SNX29: variants seen among roughly 807,000 people sequenced by gnomAD.
SNX29 encodes the protein sorting nexin 29, also known as sorting nexin-29.
SNX29 carries 78 observed loss-of-function variants against 102.1 expected under a neutral mutation model. The observed-to-expected ratio is 0.76, with a 90% CI of 0.64 to 0.92. The LOEUF (loss-of-function observed/expected upper bound fraction) is 0.92. Ranked by LOEUF, SNX29 falls within the 40% of genes least tolerant of loss-of-function variation. The pLI, the probability that SNX29 is intolerant of heterozygous loss-of-function variation, is 0.00. For missense variants in SNX29, 1,280 were observed against 1,061.7 expected, an observed-to-expected ratio of 1.21 and a Z score of -2.86; for synonymous variants, 580 against 414.5, an observed-to-expected ratio of 1.40 and a Z score of -4.85.
intron 10 of SNX29, among the ~76,000 whole-genome samples, chr16:12,070,748 G>A (rs1243982371): frequency 2.6e-5 from 4 of 152,026 alleles, no homozygotes; most frequent in African/African-American, 9.7e-5. Context: ...CTGAGGAATC[G>A]CCACACTGAC....
chr16:12,499,801 G>A (rs929234951), intron 19 of SNX29, among the ~76,000 whole-genome samples: 1 of 152,042 alleles, frequency 6.6e-6, no homozygotes, highest in African/African-American at 2.4e-5. Flanking sequence ...TCAACCTCCT[G>A]AGTACCTGGG....
At chr16:12,028,495 C>G (rs2057252785) in intron 4 of SNX29, among the ~76,000 whole-genome samples, 7 of 152,000 alleles carry the variant, frequency 4.6e-5, no homozygotes, top group Admixed American at 4.6e-4. Flanking sequence ...TCTGAAATAG[C>G]TAGGATTGCA....
chr16:11,995,640 T>A (rs1596548451), intron 1 of SNX29, among the ~76,000 whole-genome samples: 16 of 123,804 alleles, frequency 1.3e-4, no homozygotes, highest in East Asian at 2.3e-4. Flanking sequence ...TAGAGCAAAA[T>A]ACTCTTAAAA....
rs889171205 is a variant in SNX29 at position 12,070,447 on chromosome 16, G to T, written c.1319+1315G>T. On this transcript the variant is annotated intron_variant, in intron 10 of 20. Coordinates refer to ENST00000566228, the MANE Select transcript of SNX29 (RefSeq NM_032167.5). Reference sequence around the variant, plus strand: ...GTGGTGTTTGGTTTTTTGTCCTTGCGATAGTTTACCGAGAATGATGATTTC... The same window carrying T: ...GTGGTGTTTGGTTTTTTGTCCTTGCTATAGTTTACCGAGAATGATGATTTC... 2.7e-5 allele frequency among the ~76,000 whole-genome samples: 4 copies of T among 150,766 alleles called. No homozygotes were observed. The East Asian group carries it at 5.9e-4, about 22-fold the overall frequency.
chr16:12,410,213 C>G (rs2084342284), intron 18 of SNX29, among the ~76,000 whole-genome samples: 1 of 152,100 alleles, frequency 6.6e-6, no homozygotes, highest in Admixed American at 6.6e-5. Flanking sequence ...CCAGGGTGGT[C>G]TTGATCTTCT....
intron 20 of SNX29, among the ~76,000 whole-genome samples, chr16:12,563,628 C>G (rs1215903113): frequency 1.3e-5 from 2 of 152,306 alleles, no homozygotes; most frequent in South Asian, 2.1e-4. Flanking sequence ...CGAGACTGTC[C>G]TGGCCCCAGA....
rs537561522 is a variant in SNX29 at position 11,997,030 on chromosome 16, AAC to A, written c.8-2263_8-2262del. Among the ~76,000 whole-genome samples, 20 of 152,260 alleles carry A rather than the reference AAC, an allele frequency of 1.3e-4. No individual in the cohort carries two copies. In the East Asian group the frequency reaches 3.9e-3, roughly 29 times the overall value. ...GCAGGATCCTTGGTATTGTGGTCCTAACACAGGCTTTAGAGGTCTTGAGTCAG... is the reference window on the plus strand; with the variant it reads ...GCAGGATCCTTGGTATTGTGGTCCTAACAGGCTTTAGAGGTCTTGAGTCAG... On this transcript the variant is annotated intron_variant, in intron 1 of 20. Coordinates refer to ENST00000566228, the MANE Select transcript of SNX29 (RefSeq NM_032167.5).
At chr16:12,530,696 C>T (rs933996297) in intron 20 of SNX29, among the ~76,000 whole-genome samples, 3 of 152,082 alleles carry the variant, frequency 2.0e-5, no homozygotes, top group Non-Finnish European at 2.9e-5. Flanking sequence ...GCTGGAATTA[C>T]AAGTGGCCGC....
At chr16:11,995,263 G>T (rs1440550468) in intron 1 of SNX29, among the ~76,000 whole-genome samples, 1 of 152,056 alleles carries the variant, frequency 6.6e-6, no homozygotes, top group Non-Finnish European at 1.5e-5. Flanking sequence ...ACGGGGTTTT[G>T]CCATGTTGGC....
intron 19 of SNX29, among the ~76,000 whole-genome samples, chr16:12,518,725 G>A (rs1053781325): frequency 1.3e-5 from 2 of 152,304 alleles, no homozygotes; most frequent in Non-Finnish European, 2.9e-5. Flanking sequence ...CCTGTCACAG[G>A]CCTGGTGGGC....
At chr16:12,124,032 A>G (rs2054097102) in intron 11 of SNX29, among the ~76,000 whole-genome samples, 1 of 152,176 alleles carries the variant, frequency 6.6e-6, no homozygotes, top group Non-Finnish European at 1.5e-5. Context: ...AGTGTGAGGG[A>G]CATGATATTC....
At chr16:12,300,300 A>G (rs1366347579) in intron 15 of SNX29, among the ~76,000 whole-genome samples, 1 of 152,080 alleles carries the variant, frequency 6.6e-6, no homozygotes, top group Admixed American at 6.5e-5. Context: ...GTCTTCCACC[A>G]CTTTCTCCAA....
intron 13 of SNX29, among the ~76,000 whole-genome samples, chr16:12,193,843 G>T (rs1246008334): frequency 6.6e-6 from 1 of 152,172 alleles, no homozygotes; most frequent in Non-Finnish European, 1.5e-5. Flanking sequence ...TGTCTTGTTG[G>T]TGTGTGTCTG....
chr16:12,293,940 C>A (rs940850292), intron 15 of SNX29, among the ~76,000 whole-genome samples: 2 of 152,208 alleles, frequency 1.3e-5, no homozygotes, highest in Non-Finnish European at 2.9e-5. Context: ...GGCGGTATTA[C>A]TCTCATCCTC....
chr16:12,040,847 T>C lies in SNX29; in HGVS notation c.248-2050T>C, dbSNP rs191019767. 4.3e-3 allele frequency among the ~76,000 whole-genome samples: 657 copies of C among 152,350 alleles called. 1 individual carries two copies. The highest frequency in any genetic ancestry group is 0.01 in the Middle Eastern group (3 of 294). ...ATATGATGTGGTTTTATTTATTTATTTTTTGAGACAGAGTGGAGTGTTGTG... is the reference window on the plus strand; with the variant it reads ...ATATGATGTGGTTTTATTTATTTATCTTTTGAGACAGAGTGGAGTGTTGTG... On this transcript the variant is annotated intron_variant, in intron 4 of 20. Transcript: ENST00000566228.
chr16:12,035,470 C>G (rs3975446), intron 4 of SNX29, among the ~76,000 whole-genome samples: 1 of 152,154 alleles, frequency 6.6e-6, no homozygotes, highest in Non-Finnish European at 1.5e-5. Context: ...CTGGAAGGCA[C>G]TCTTGCGGCT....
At chr16:12,144,014 C>G (rs1429129931) in intron 13 of SNX29, among the ~76,000 whole-genome samples, 12 of 152,072 alleles carry the variant, frequency 7.9e-5, no homozygotes. Flanking sequence ...CACGAAACAC[C>G]CGGGGCTCAG....
At chr16:12,327,114 C>T (rs1227055146) in intron 15 of SNX29, among the ~76,000 whole-genome samples, 1 of 152,154 alleles carries the variant, frequency 6.6e-6, no homozygotes, top group Non-Finnish European at 1.5e-5. Context: ...GTTGGACAAC[C>T]TCTGTCTTCC....
intron 5 of SNX29, 66 bp from the exon 6 acceptor site, chr16:12,046,318 T>C (rs2050088991): frequency 6.5e-7 from 1 of 1,548,444 alleles, no homozygotes; most frequent in African/African-American, 1.4e-5. Context: ...TCTAATGGAA[T>C]TTCCTGGTTA....
Sources: allele counts gnomAD v4.1 joint callset (sites outside exome capture counted in the v4.1 genomes callset), GRCh38; gene constraint gnomAD v4.1.1; transcripts MANE v1.5; gene names NCBI Gene and HGNC (gene_info 2026-07-23, HGNC 2026-07-21).